MACROH2A1: variants seen among roughly 807,000 people sequenced by gnomAD.
MACROH2A1 encodes core histone macro-H2A.1.
In MACROH2A1, 2 loss-of-function variants were observed where a neutral mutation model predicts 31.6. The ratio of observed to expected loss-of-function variants is 0.06; its 90% CI spans 0.03 to 0.20. The LOEUF (loss-of-function observed/expected upper bound fraction) is 0.20. Among genes scored for constraint, MACROH2A1 ranks in the 10% least tolerant of loss-of-function variants. The pLI is 1.00. For synonymous variants in MACROH2A1, 169 were observed against 189.6 expected, an observed-to-expected ratio of 0.89 and a Z score of 0.89; for missense variants, 230 against 474.0, an observed-to-expected ratio of 0.49 and a Z score of 4.78.
chr5:135,367,947 G>A (rs1763724447), intron 4 of MACROH2A1, among the ~76,000 whole-genome samples: 1 of 152,364 alleles, frequency 6.6e-6, no homozygotes, highest in South Asian at 2.1e-4. Context: ...ATAGTTAGCA[G>A]GAATGAGCAG....
At chr5:135,399,339 C>T (rs1581407336), upstream of MACROH2A1, 2 of 152,230 alleles carry the variant, frequency 1.3e-5, no homozygotes, top group Admixed American at 6.6e-5. This position sits in a 1 kb window ranked among gnomAD's most constrained non-coding sequence, Gnocchi z 4.5. Context: ...GGCGCCCCGG[C>T]CTTGACCCCG....
intron 6 of MACROH2A1, among the ~76,000 whole-genome samples, chr5:135,349,585 A>G (rs1412902899): frequency 6.6e-6 from 1 of 152,098 alleles, no homozygotes; most frequent in Non-Finnish European, 1.5e-5. Context: ...TGCCAAGCAG[A>G]GCCAGGCAGC....
At position 135,334,971 on chromosome 5, in the gene MACROH2A1, T is replaced by C; in HGVS notation, c.*5A>G. 6.2e-7 allele frequency: 1 copy of C among 1,612,308 alleles called. No individual in the cohort carries two copies. The highest frequency in any genetic ancestry group is 8.5e-7 in the Non-Finnish European group (1 of 1,178,572). On this transcript the variant is annotated 3_prime_UTR_variant, in exon 9 of 9. Transcript: ENST00000511689. The stretch of plus-strand genomic sequence containing the variant: ...ATGGTGCAGCTGGTTCTGTCATTGC[T>C]CAGCCTAGTTGGCGTCCAGCTTGGC...
At chr5:135,364,818 T>C (rs1317936534) in intron 4 of MACROH2A1, among the ~76,000 whole-genome samples, 1 of 152,248 alleles carries the variant, frequency 6.6e-6, no homozygotes, top group Non-Finnish European at 1.5e-5. Flanking sequence ...AATTCCTTTC[T>C]CTGGCTTCCC....
At chr5:135,399,644 C>T (rs1262988986), upstream of MACROH2A1, 1 of 152,328 alleles carries the variant, frequency 6.6e-6, no homozygotes, top group African/African-American at 2.4e-5. The surrounding 1 kb of genome is among the most constrained non-coding windows in gnomAD (Gnocchi z 4.5). Context: ...CTCTTCCCTC[C>T]CCAGTCAATG....
chr5:135,334,881 G>T lies in MACROH2A1; in HGVS notation c.*95C>A. 1 of 1,028,408 alleles carries T rather than the reference G, an allele frequency of 9.7e-7. No individual in the cohort carries two copies. Among genetic ancestry groups the T allele is most frequent in the Non-Finnish European group, 1.4e-6 (1 of 691,438 alleles). 63.7% of individuals were successfully genotyped at this position (1,028,408 alleles called of 1,614,324 possible). A position where few individuals can be genotyped will look rare whatever the true frequency, so the allele number is the denominator to read the frequency against. On this transcript the variant is annotated 3_prime_UTR_variant, in exon 9 of 9. Coordinates refer to ENST00000511689, the MANE Select transcript of MACROH2A1 (RefSeq NM_138610.3). Reference sequence around the variant, plus strand: ...TAGATGAGCAAAACTGAAAATGAAAGGGGTCCCACCTCCCAGTAGGAGTGA... The same window carrying T: ...TAGATGAGCAAAACTGAAAATGAAATGGGTCCCACCTCCCAGTAGGAGTGA...
intron 5 of MACROH2A1, 82 bp from the exon 6 acceptor site, chr5:135,353,127 C>A: frequency 1.2e-6 from 1 of 862,578 alleles, no homozygotes; most frequent in Admixed American, 1.7e-5. Flanking sequence ...AGGTAAAGGA[C>A]AGTGGACACT....
At chr5:135,370,970 A>T (rs1459235065) in intron 2 of MACROH2A1, among the ~76,000 whole-genome samples, 3 of 152,224 alleles carry the variant, frequency 2.0e-5, no homozygotes, top group African/African-American at 7.2e-5. Flanking sequence ...AAGCATCTTG[A>T]TGCCTACAAC....
intron 1 of MACROH2A1, among the ~76,000 whole-genome samples, chr5:135,393,410 C>T (rs1487322977): frequency 2.6e-5 from 4 of 152,244 alleles, no homozygotes; most frequent in Non-Finnish European, 5.9e-5. Context: ...GTCTCTGTCA[C>T]ATGATAAACC....
At chr5:135,380,041 T>C (rs9942331) in intron 2 of MACROH2A1, among the ~76,000 whole-genome samples, 29,676 of 152,108 alleles carry the variant, frequency 0.2, 6,400 homozygotes, top group African/African-American at 0.54. Context: ...CCTAATCATG[T>C]TTCATTTAAA....
intron 4 of MACROH2A1, among the ~76,000 whole-genome samples, chr5:135,367,839 G>A (rs1453787769): frequency 1.3e-5 from 2 of 152,200 alleles, no homozygotes; most frequent in African/African-American, 2.4e-5. Context: ...CATTTAGAAA[G>A]GGTTGCACAA....
At chr5:135,346,582 A>G (rs1003648402) in intron 6 of MACROH2A1, 1 of 153,138 alleles carries the variant, frequency 6.5e-6, no homozygotes, top group African/African-American at 2.4e-5. Context: ...CAGCATTATT[A>G]CCATGCTTAG....
At chr5:135,371,589 A>T (rs945864841) in intron 2 of MACROH2A1, among the ~76,000 whole-genome samples, 12 of 152,186 alleles carry the variant, frequency 7.9e-5, no homozygotes, top group African/African-American at 2.4e-4. Flanking sequence ...CCCTTTGGCA[A>T]AACCTGGTTT....
At chr5:135,335,263 G>A in intron 8 of MACROH2A1, 122 bp from the exon 9 acceptor site, 1 of 696,452 alleles carries the variant, frequency 1.4e-6, no homozygotes, top group Non-Finnish European at 2.5e-6. Context: ...GGTGTCTGTT[G>A]AGCCCCGTGT....
At chr5:135,347,853 G>A (rs1191747397) in intron 6 of MACROH2A1, among the ~76,000 whole-genome samples, 6 of 152,192 alleles carry the variant, frequency 3.9e-5, no homozygotes, top group Non-Finnish European at 8.8e-5. Context: ...AATGCTGGAG[G>A]CTGGACTAGT....
chr5:135,397,352 AG>A (rs2150006392), intron 1 of MACROH2A1, among the ~76,000 whole-genome samples: 1 of 152,282 alleles, frequency 6.6e-6, no homozygotes, highest in African/African-American at 2.4e-5. Flanking sequence ...AAACTAAACC[AG>A]TGGCATGGTT....
Position 135,346,022 on chromosome 5 carries a change from C to G in MACROH2A1, c.724G>C (p.Val242Leu). The change falls in exon 7 of 9, where the codon GTG (valine) becomes CTG (leucine). Residue 242 changes from valine to leucine, a missense_variant. By Grantham distance (32) the Val-to-Leu change is conservative (BLOSUM62 1). Around this residue, in one of 2 missense-constraint regions of MACROH2A1, gnomAD observed 183 missense variants for 319.3 expected, o/e 0.57. Coordinates refer to ENST00000511689, the MANE Select transcript of MACROH2A1 (RefSeq NM_138610.3). ...TLEKKGGKEF[V>L]EAVLELRKKN... is the part of the protein sequence containing the mutation. ...TTCCGGAGTTCCAGGACAGCTTCCA[C>G]AAACTCCTTGCCACCTTTCTTCTCC... The G allele has an allele frequency of 6.2e-7, 1 of 1,614,080 alleles. No homozygotes were observed. The highest frequency in any genetic ancestry group is 8.5e-7 in the Non-Finnish European group (1 of 1,179,920).
intron 8 of MACROH2A1, among the ~76,000 whole-genome samples, chr5:135,336,696 G>C (rs988901532): frequency 2.4e-4 from 37 of 152,176 alleles, no homozygotes; most frequent in African/African-American, 7.0e-4. Context: ...AAAGAAAAGG[G>C]CTCTGCTGAG....
intron 7 of MACROH2A1, chr5:135,343,661 T>C: frequency 1.6e-6 from 1 of 615,376 alleles, no homozygotes; most frequent in Non-Finnish European, 2.8e-6. Context: ...CCAGGAATTT[T>C]GACCAAGTTC....
Sources: allele counts gnomAD v4.1 joint callset (sites outside exome capture counted in the v4.1 genomes callset), GRCh38; gene constraint gnomAD v4.1.1; regional missense constraint gnomAD v4.1.1; non-coding constraint Gnocchi (gnomAD v3.1); transcripts MANE v1.5; gene names NCBI Gene and HGNC (gene_info 2026-07-23, HGNC 2026-07-21).